ZNF521: variants seen among roughly 807,000 people sequenced by gnomAD.
ZNF521 encodes the protein LYST-interacting protein 3.
ZNF521 carries 14 observed loss-of-function variants against 105.5 expected under a neutral mutation model. The observed-to-expected ratio is 0.13, with a 90% confidence interval of 0.09 to 0.21. ZNF521 has a LOEUF of 0.21. Ranked by LOEUF, ZNF521 falls within the 10% of genes least tolerant of loss-of-function variation. The pLI is 1.00. For missense variants in ZNF521, 1,233 were observed against 1,629.7 expected, an observed-to-expected ratio of 0.76 and a Z score of 4.19; for synonymous variants, 635 against 606.0, an observed-to-expected ratio of 1.05 and a Z score of -0.70.
At chr18:25,158,353 G>A (rs2035186417) in intron 5 of ZNF521, among the ~76,000 whole-genome samples, 1 of 151,902 alleles carries the variant, frequency 6.6e-6, no homozygotes, top group African/African-American at 2.4e-5. Context: ...ATTCCAAAAT[G>A]CTACAATGTA....
intron 7 of ZNF521, among the ~76,000 whole-genome samples, chr18:25,067,926 A>G (rs1426763443): frequency 1.3e-5 from 2 of 152,230 alleles, no homozygotes; most frequent in African/African-American, 4.8e-5. Context: ...AAATCTGTTG[A>G]TTCAAAGATG....
intron 2 of ZNF521, among the ~76,000 whole-genome samples, chr18:25,341,613 A>G (rs563475107): frequency 2.0e-5 from 3 of 152,324 alleles, no homozygotes; most frequent in East Asian, 1.9e-4. Context: ...CCTTTAGATT[A>G]TAAGAGAAAA....
At chr18:25,201,213 G>A (rs1168782484) in intron 4 of ZNF521, 1 of 152,008 alleles carries the variant, frequency 6.6e-6, no homozygotes, top group African/African-American at 2.4e-5. Context: ...GGCAACACAT[G>A]GGTAATTCAG....
Position 25,121,273 on chromosome 18 carries a change from CT to C in ZNF521, c.3659-29193del, listed in dbSNP as rs55714696. Among the ~76,000 whole-genome samples the C allele has an allele frequency of 6.7e-3, 849 of 126,192 alleles. 4 individuals are homozygous for C. Among genetic ancestry groups the C allele is most frequent in the African/African-American group, 0.02 (689 of 33,770 alleles). 82.8% of individuals were successfully genotyped at this position (126,192 alleles called of 152,430 possible). ...GCGCCCAGCCTTCTTCTTCTTCTTCCTTTTTTTTTTTTTTTTTGAGACAAAG... is the reference window on the plus strand; with the variant it reads ...GCGCCCAGCCTTCTTCTTCTTCTTCCTTTTTTTTTTTTTTTTGAGACAAAG... On this transcript the variant is annotated intron_variant, in intron 5 of 7. Coordinates refer to ENST00000361524, the MANE Select transcript of ZNF521 (RefSeq NM_015461.3).
intron 5 of ZNF521, chr18:25,136,707 G>A (rs1485696638): frequency 6.6e-6 from 1 of 152,130 alleles, no homozygotes; most frequent in Non-Finnish European, 1.5e-5. Flanking sequence ...ACAGAGGTGT[G>A]GGCACCAGAC....
At chr18:25,135,988 C>T (rs957730281) in intron 5 of ZNF521, among the ~76,000 whole-genome samples, 3 of 152,048 alleles carry the variant, frequency 2.0e-5, no homozygotes, top group Admixed American at 2.0e-4. Context: ...AGATAAAATA[C>T]ATTATTGCTA....
At chr18:25,346,810 C>T (rs889974635) in intron 2 of ZNF521, among the ~76,000 whole-genome samples, 5 of 152,130 alleles carry the variant, frequency 3.3e-5, no homozygotes, top group African/African-American at 1.2e-4. Context: ...CCAGAGGTCC[C>T]TGGTATGGGT....
intron 5 of ZNF521, among the ~76,000 whole-genome samples, chr18:25,118,045 T>C (rs998616806): frequency 6.6e-6 from 1 of 151,994 alleles, no homozygotes; most frequent in African/African-American, 2.4e-5. Flanking sequence ...CCCAAACTCA[T>C]AAAAGCATAT....
At chr18:25,141,615 C>T (rs1466786179) in intron 5 of ZNF521, among the ~76,000 whole-genome samples, 1 of 152,198 alleles carries the variant, frequency 6.6e-6, no homozygotes, top group Non-Finnish European at 1.5e-5. Flanking sequence ...AGGATTTACA[C>T]TCTTTGTAGT....
chr18:25,236,257 T>C lies in ZNF521; in HGVS notation c.221-8560A>G, dbSNP rs28755881. Among the ~76,000 whole-genome samples the C allele has an allele frequency of 1.6e-3, 242 of 152,256 alleles. 1 individual carries two copies. The highest frequency in any genetic ancestry group is 5.6e-3 in the African/African-American group (234 of 41,570). ...ATTAAGGAATTCAGAGATGAGGGGC[T>C]GGGCGCGGTGGCTCACGCCTGTAAT... On this transcript the variant is annotated intron_variant, in intron 3 of 7. Coordinates refer to ENST00000361524, the MANE Select transcript of ZNF521 (RefSeq NM_015461.3).
intron 3 of ZNF521, among the ~76,000 whole-genome samples, chr18:25,247,832 A>G (rs1339260954): frequency 6.6e-6 from 1 of 152,148 alleles, no homozygotes; most frequent in Non-Finnish European, 1.5e-5. Flanking sequence ...AGAGGCAAAA[A>G]AACCTAAAGT....
chr18:25,273,220 C>CAAAAAAAAAAAAAAAAAAAAAAAAAAAAA (rs67381140), intron 3 of ZNF521, among the ~76,000 whole-genome samples: 9 of 40,886 alleles, frequency 2.2e-4, no homozygotes, highest in Non-Finnish European at 3.4e-4. Flanking sequence ...ACCCTGTCTC[C>CAAAAAAAAAAAAAAAAAAAAAAAAAAAAA]AAAAAAAAAA....
intron 4 of ZNF521, among the ~76,000 whole-genome samples, chr18:25,213,181 TATA>T (rs1004166090): frequency 1.3e-3 from 165 of 126,642 alleles, no homozygotes; most frequent in Middle Eastern, 3.9e-3. Flanking sequence ...TAACATATAT[TATA>T]ATGATAATAT....
At chr18:25,322,232 C>A (rs774412505) in intron 2 of ZNF521, 45 bp from the exon 3 acceptor site, 3 of 1,581,484 alleles carry the variant, frequency 1.9e-6, no homozygotes, top group Non-Finnish European at 1.7e-6. Context: ...AAGACAGGTT[C>A]TTTTAAAGTA....
chr18:25,181,460 G>GT (rs1372075430), intron 5 of ZNF521, among the ~76,000 whole-genome samples: 1 of 152,110 alleles, frequency 6.6e-6, no homozygotes, highest in Non-Finnish European at 1.5e-5. Context: ...ATTTAATCAC[G>GT]TAAAAACATC....
At chr18:25,249,606 C>T (rs543305010) in intron 3 of ZNF521, among the ~76,000 whole-genome samples, 14 of 151,872 alleles carry the variant, frequency 9.2e-5, no homozygotes, top group Non-Finnish European at 1.9e-4. Flanking sequence ...GGATTACAGG[C>T]GCATGCCACC....
intron 5 of ZNF521, among the ~76,000 whole-genome samples, chr18:25,187,341 T>A (rs970722930): frequency 6.6e-6 from 1 of 152,164 alleles, no homozygotes; most frequent in East Asian, 1.9e-4. Flanking sequence ...AAGCGTGAAC[T>A]TAAACGATAC....
At chr18:25,199,166 C>T (rs77321447) in intron 4 of ZNF521, among the ~76,000 whole-genome samples, 4,051 of 151,570 alleles carry the variant, frequency 0.027, 68 homozygotes, top group Non-Finnish European at 0.036. Flanking sequence ...GAAAAAAATG[C>T]AAATCTAGAA....
chr18:25,080,805 C>T (rs781756096), intron 7 of ZNF521, among the ~76,000 whole-genome samples: 11 of 152,228 alleles, frequency 7.2e-5, no homozygotes, highest in Non-Finnish European at 1.5e-4. Flanking sequence ...TCTATTCTTG[C>T]CACTTTGTCT....
Sources: allele counts gnomAD v4.1 joint callset (sites outside exome capture counted in the v4.1 genomes callset), GRCh38; gene constraint gnomAD v4.1.1; transcripts MANE v1.5; gene names NCBI Gene and HGNC (gene_info 2026-07-23, HGNC 2026-07-21).